The following PRDM15 variants were observed in gnomAD, a reference collection of about 807,000 sequenced individuals.
PRDM15 encodes PR/SET domain 15, also known as PR domain zinc finger protein 15.
Under a neutral mutation model 128.6 loss-of-function variants are expected in PRDM15, and 64 were observed. That is an observed-to-expected ratio of 0.50 (90% CI 0.41 to 0.61). PRDM15 has a LOEUF of 0.61. PRDM15 is among the 20% of genes least tolerant of loss of function. The probability of loss-of-function intolerance (pLI) is 0.00; values close to 1 mark genes in which losing one functional copy is unlikely to be tolerated. For synonymous variants in PRDM15, 615 were observed against 621.8 expected (o/e 0.99, Z 0.16); for missense variants, 1,242 against 1,569.1 (o/e 0.79, Z 3.52).
chr21:41,815,870 C>A (rs2062032456), intron 18 of PRDM15, 34 bp from the exon 19 acceptor site: 1 of 1,607,152 alleles, frequency 6.2e-7, no homozygotes, highest in Non-Finnish European at 8.5e-7. Context: ...GGCGGCCACA[C>A]CCCCACGCAG....
intron 1 of PRDM15, among the ~76,000 whole-genome samples, chr21:41,867,053 C>G (rs1203620305): frequency 6.6e-6 from 1 of 152,210 alleles, no homozygotes; most frequent in Non-Finnish European, 1.5e-5. Flanking sequence ...GTGACCTCCC[C>G]AGACAGGGCT....
intron 19 of PRDM15, chr21:41,813,760 G>A (rs150080619): frequency 0.011 from 1,655 of 152,476 alleles, 17 homozygotes; most frequent in South Asian, 0.065. Context: ...TAGTGATTGC[G>A]CAGGGTGCTC....
At position 41,828,956 on chromosome 21, in the gene PRDM15, ACAC is replaced by A. The variant is rs1301866526; in HGVS notation, c.1367-626_1367-624del. 7.0e-6 allele frequency among the ~76,000 whole-genome samples: 1 copy of A among 142,944 alleles called. No individual in the cohort carries two copies. The highest frequency in any genetic ancestry group is 1.5e-5 in the Non-Finnish European group (1 of 66,906). 93.8% of individuals were successfully genotyped at this position (142,944 alleles called of 152,430 possible). A position where few individuals can be genotyped will look rare whatever the true frequency, so the allele number is the denominator to read the frequency against. On this transcript the variant is annotated intron_variant, in intron 11 of 23. Transcript: ENST00000398548. This position sits in a 1 kb window ranked among gnomAD's most constrained non-coding sequence, Gnocchi z 5.7. ...CCCCCACACAAATACACAATCACACACACCACATACACACACCACGCACACATG... is the reference window on the plus strand; with the variant it reads ...CCCCCACACAAATACACAATCACACACACATACACACACCACGCACACATG...
At chr21:41,813,021 TGCTCACATCA>T (rs2061915770) in intron 19 of PRDM15, 1 of 151,910 alleles carries the variant, frequency 6.6e-6, no homozygotes, top group Non-Finnish European at 1.5e-5. Flanking sequence ...CTGGTGCAAG[TGCTCACATCA>T]GCTCACGTCT....
intron 11 of PRDM15, among the ~76,000 whole-genome samples, chr21:41,833,908 AC>A (rs1280910313): frequency 2.0e-5 from 3 of 152,298 alleles, no homozygotes; most frequent in Non-Finnish European, 2.9e-5. Context: ...ACTCTTGGGA[AC>A]CCCGAAACCC....
chr21:41,875,335 C>T (rs2064374239), intron 1 of PRDM15, among the ~76,000 whole-genome samples: 1 of 152,282 alleles, frequency 6.6e-6, no homozygotes, highest in Admixed American at 6.5e-5. Flanking sequence ...TGCCAGGCCC[C>T]GGACGGCAGC....
At chr21:41,819,902 G>T in intron 17 of PRDM15, 193 bp downstream of exon 17, 1 of 785,694 alleles carries the variant, frequency 1.3e-6, no homozygotes, top group Non-Finnish European at 2.0e-6. Context: ...ACCTGGAGGG[G>T]TGAGGGGGCT....
At chr21:41,850,294 T>TTCCTCCTGGTGTCCCCCCACACTC (rs2063387814) in intron 5 of PRDM15, among the ~76,000 whole-genome samples, 1 of 41,772 alleles carries the variant, frequency 2.4e-5, no homozygotes, top group Non-Finnish European at 6.7e-5. Flanking sequence ...CCCCCACACT[T>TTCCTCCTGGTGTCCCCCCACACTC]TCCTCCTGGT....
intron 18 of PRDM15, 54 bp downstream of exon 18, chr21:41,819,528 T>A: frequency 2.3e-6 from 3 of 1,313,378 alleles, no homozygotes; most frequent in African/African-American, 1.7e-5. Context: ...TCCAGCACCC[T>A]GCAGCAGGGT....
intron 18 of PRDM15, among the ~76,000 whole-genome samples, chr21:41,818,346 G>A (rs2062125472): frequency 6.6e-6 from 1 of 152,214 alleles, no homozygotes. Flanking sequence ...AGAAACCACC[G>A]CAGTGGCTCT....
chr21:41,834,033 T>C (rs1288851126), intron 11 of PRDM15, among the ~76,000 whole-genome samples: 1 of 152,198 alleles, frequency 6.6e-6, no homozygotes, highest in East Asian at 1.9e-4. Context: ...CAGGGGACTG[T>C]GCCCCAGGTT....
At chr21:41,804,650 G>A in intron 21 of PRDM15, 36 bp from the exon 22 acceptor site, 1 of 1,499,598 alleles carries the variant, frequency 6.7e-7, no homozygotes, top group Non-Finnish European at 8.9e-7. Flanking sequence ...GGGGGTCAGG[G>A]TGCTGCTGAT....
In PRDM15 at chr21:41,854,481, T is replaced by A. The variant is rs1278818688; in HGVS notation, c.538+85A>T. On this transcript the variant is annotated intron_variant, in intron 5 of 23. Transcript: ENST00000398548. This position sits in a 1 kb window ranked among gnomAD's most constrained non-coding sequence, Gnocchi z 4.6. Reference sequence around the variant, plus strand: ...CCCAGCCCAACCCATCTCATCAGTGTGGGGTCAGCACAGAGCCAAGGGACC... The same window carrying A: ...CCCAGCCCAACCCATCTCATCAGTGAGGGGTCAGCACAGAGCCAAGGGACC... 2.0e-6 allele frequency: 3 copies of A among 1,527,102 alleles called. No homozygotes were observed. Among genetic ancestry groups the A allele is most frequent in the Admixed American group, 1.9e-5 (1 of 53,580 alleles). 94.6% of individuals were successfully genotyped at this position (1,527,102 alleles called of 1,614,324 possible). A position where few individuals can be genotyped will look rare whatever the true frequency, so the allele number is the denominator to read the frequency against.
intron 18 of PRDM15, among the ~76,000 whole-genome samples, chr21:41,816,232 C>A (rs1349678791): frequency 6.6e-6 from 1 of 152,216 alleles, no homozygotes; most frequent in Admixed American, 6.5e-5. Flanking sequence ...GGGATTCGGA[C>A]GCGAGATGGT....
chr21:41,855,165 C>A (rs974176094), intron 4 of PRDM15, among the ~76,000 whole-genome samples: 2 of 152,104 alleles, frequency 1.3e-5, no homozygotes, highest in African/African-American at 4.8e-5. Flanking sequence ...AGTCCTGGTC[C>A]AGGTGGGCTT....
intron 21 of PRDM15, among the ~76,000 whole-genome samples, chr21:41,804,875 G>A (rs1463422647): frequency 6.6e-6 from 1 of 152,230 alleles, no homozygotes; most frequent in African/African-American, 2.4e-5. Flanking sequence ...CCCCAGTGGG[G>A]AGACTATGTC....
rs1292057614 is a variant in PRDM15 at position 41,836,147 on chromosome 21, T to C, written c.1244A>G (p.Lys415Arg). The C allele has an allele frequency of 6.2e-7, 1 of 1,614,046 alleles. No homozygotes were observed. Among genetic ancestry groups the C allele is most frequent in the Admixed American group, 1.7e-5 (1 of 60,004 alleles). Residue 415 changes from lysine to arginine, a missense_variant, in exon 10 of 24, where the codon AAG (lysine) becomes AGG (arginine). Physicochemically the swap from Lys to Arg is conservative, Grantham distance 26. Transcript: ENST00000398548. ...AKLFSRKESL[K>R]QHVSYKHSRN... ...GCTGTGCTTGTAGGAAACGTGCTGC[T>C]TTAGGCTCTCTTTGCGGCTGAACAA...
chr21:41,830,240 A>G (rs2062636211), intron 11 of PRDM15, among the ~76,000 whole-genome samples: 1 of 150,876 alleles, frequency 6.6e-6, no homozygotes, highest in Admixed American at 6.6e-5. Context: ...CACACTCAAN[A>G]CACACCACAC....
At chr21:41,876,762 C>G (rs749158097) in intron 1 of PRDM15, among the ~76,000 whole-genome samples, 1 of 152,180 alleles carries the variant, frequency 6.6e-6, no homozygotes, top group South Asian at 2.1e-4. Flanking sequence ...CTCCAGTCAC[C>G]CACCATGCAT....
Sources: allele counts gnomAD v4.1 joint callset (sites outside exome capture counted in the v4.1 genomes callset), GRCh38; gene constraint gnomAD v4.1.1; non-coding constraint Gnocchi (gnomAD v3.1); transcripts MANE v1.5; gene names NCBI Gene and HGNC (gene_info 2026-07-23, HGNC 2026-07-21).